Variants in LMNTD2 observed in about 807,000 individuals in gnomAD.
LMNTD2 encodes the protein lamin tail domain containing 2, also known as lamin tail domain-containing protein 2.
In LMNTD2, 83 loss-of-function variants were observed where a neutral mutation model predicts 70.1. The ratio of observed to expected loss-of-function variants is 1.18; its 90% CI spans 0.99 to 1.42. The LOEUF is 1.42. LMNTD2 is among the 40% of genes most tolerant of loss of function. The probability of loss-of-function intolerance (pLI) is 0.00; values close to 1 mark genes in which losing one functional copy is unlikely to be tolerated. For synonymous variants in LMNTD2, 534 were observed against 406.1 expected, an observed-to-expected ratio of 1.31 and a Z score of -3.79; for missense variants, 1,153 against 905.9, an observed-to-expected ratio of 1.27 and a Z score of -3.50.
rs917191546 is a variant in LMNTD2 at position 556,837 on chromosome 11, T to A, written c.974A>T (p.Glu325Val). The A allele has an allele frequency of 1.9e-6, 3 of 1,571,500 alleles. No homozygotes were observed. Among genetic ancestry groups the A allele is most frequent in the Non-Finnish European group, 2.6e-6 (3 of 1,156,590 alleles). ...VQAGSYSRDS[E>V]DLQKTHSPRH... The stretch of plus-strand genomic sequence containing the variant: ...AGGGGAGACCCGCCCCACTGCACCT[T>A]CTGAGTCCCTGCTGTAGCTGCCGGC... The change falls in exon 8 of 14, where the codon GAA (glutamate) becomes GTA (valine). Residue 325 changes from glutamate to valine, a missense_variant and splice_region_variant. By Grantham distance (121) the Glu-to-Val change is moderately radical. Transcript: ENST00000329451.
intron 7 of LMNTD2, 96 bp downstream of exon 7, chr11:557,303 A>G (rs1564816873): frequency 3.5e-6 from 5 of 1,438,406 alleles, no homozygotes; most frequent in African/African-American, 2.8e-5. Context: ...AGACTTATCC[A>G]GGGACACTAA....
chr11:556,099 G>A lies in LMNTD2; in HGVS notation c.1274C>T (p.Thr425Ile). 1 of 1,523,516 alleles carries A rather than the reference G, an allele frequency of 6.6e-7. No homozygotes were observed. The highest frequency in any genetic ancestry group is 8.7e-7 in the Non-Finnish European group (1 of 1,146,162). 94.4% of individuals were successfully genotyped at this position (1,523,516 alleles called of 1,614,324 possible). The change falls in exon 11 of 14, where the codon ACC becomes ATC. Residue 425 changes from threonine (T) to isoleucine (I), a missense_variant. Transcript: ENST00000329451. ...RHHVTVWGEA[T>I]RSAKKPLRAS... ...GCGCAGCGGCTTCTTGGCGCTGCGGGTCGCCTCGCCCCAGACCTGGAGGGG... is the reference window on the plus strand; with the variant it reads ...GCGCAGCGGCTTCTTGGCGCTGCGGATCGCCTCGCCCCAGACCTGGAGGGG...
rs148396909 is a variant in LMNTD2 at position 556,976 on chromosome 11, C to T, written c.835G>A (p.Gly279Arg). 2.4e-4 allele frequency: 386 copies of T among 1,606,954 alleles called. 5 individuals are homozygous for T. In the African/African-American group the frequency reaches 4.5e-3, roughly 19 times the overall value. ...CTGCTGGAGTCGGAGTCAGCGCCCC[C>T]TGAGCTGCTGGTGTTCAGACAGGGC... is the stretch of plus-strand genomic sequence containing the variant. ...SLPCLNTSSSGGADSDSSSCR... is the reference protein window; with the variant it reads ...SLPCLNTSSSRGADSDSSSCR... Residue 279 changes from glycine (G) to arginine (R), a missense_variant, in exon 8 of 14, where the codon GGG becomes AGG. By Grantham distance (125) the Gly-to-Arg change is moderately radical. Coordinates refer to ENST00000329451, the MANE Select transcript of LMNTD2 (RefSeq NM_173573.3).
At position 559,264 on chromosome 11, in the gene LMNTD2, G is replaced by C; in HGVS notation, c.35-285C>G. 4 of 1,488,500 alleles carry C rather than the reference G, an allele frequency of 2.7e-6. No homozygotes were observed. In the South Asian group the frequency reaches 4.9e-5, roughly 18 times the overall value. The allele number at this position is 1,488,500 out of a possible 1,614,324, so 92.2% of individuals were successfully genotyped here. ...CCCTGGCGTGTACCCCTGCCACCCA[G>C]GTGCTGGCCCTTTGCCTGTGATGTG... On this transcript the variant is annotated intron_variant, in intron 1 of 13. Coordinates refer to ENST00000329451, the MANE Select transcript of LMNTD2 (RefSeq NM_173573.3).
At chr11:555,672 C>T in intron 12 of LMNTD2, 62 bp downstream of exon 12, 4 of 1,341,768 alleles carry the variant, frequency 3.0e-6, no homozygotes, top group Non-Finnish European at 2.9e-6. Context: ...ATACGAGGGA[C>T]CGTTTCTGCT....
chr11:558,075 G>T (rs764653357), intron 4 of LMNTD2, 36 bp from the exon 5 acceptor site: 31 of 1,589,246 alleles, frequency 2.0e-5, no homozygotes, highest in Non-Finnish European at 2.5e-5. Context: ...TGGTGGGGGG[G>T]TGTCTTCTGC....
chr11:558,014 A>G lies in LMNTD2; in HGVS notation c.425T>C (p.Leu142Pro). The part of the protein sequence containing the change: ...QWEKEHLEER[L>P]LQTTRTLQEM... Reference sequence around the variant, plus strand: ...CTGGAGCGTGCGGGTGGTCTGCAGCAGCCGCTCCTCCAGGTGCTCCTTCTC... The same window carrying G: ...CTGGAGCGTGCGGGTGGTCTGCAGCGGCCGCTCCTCCAGGTGCTCCTTCTC... The change falls in exon 5 of 14, where the codon CTG becomes CCG. Residue 142 changes from leucine (L) to proline (P), a missense_variant. By Grantham distance (98) the Leu-to-Pro change is moderately conservative. Coordinates refer to ENST00000329451, the MANE Select transcript of LMNTD2 (RefSeq NM_173573.3). 1 of 1,582,422 alleles carries G rather than the reference A, an allele frequency of 6.3e-7. No individual in the cohort carries two copies. Among genetic ancestry groups the G allele is most frequent in the African/African-American group, 1.3e-5 (1 of 74,346 alleles).
chr11:556,462 C>T (rs1422567241), intron 9 of LMNTD2, 30 bp downstream of exon 9: 1 of 1,549,168 alleles, frequency 6.5e-7, no homozygotes, highest in East Asian at 2.4e-5. Context: ...TCCAGTCCGG[C>T]GCCGGAGGCT....
At chr11:555,170 A>AGCGGGGAGGAGGGGAGGGGG in intron 13 of LMNTD2, 59 bp from the exon 14 acceptor site, 1 of 202,118 alleles carries the variant, frequency 4.9e-6, no homozygotes, top group Non-Finnish European at 8.1e-6. Flanking sequence ...AGGGGAGGGG[A>AGCGGGGAGGAGGGGAGGGGG]GGGGAGGAGA....
At position 558,701 on chromosome 11, in the gene LMNTD2, A is replaced by C; in HGVS notation, c.224T>G (p.Ile75Ser). 1.2e-6 allele frequency: 2 copies of C among 1,606,402 alleles called. No homozygotes were observed. Among genetic ancestry groups the C allele is most frequent in the South Asian group, 2.2e-5 (2 of 90,018 alleles). Residue 75 changes from isoleucine to serine, a missense_variant, in exon 3 of 14, where the codon ATC becomes AGC. Transcript: ENST00000329451. The part of the protein sequence containing the change: ...RLLWRQRELE[I>S]QALRWAIQNG... ...CTGGATGGCCCACCGCAAGGCCTGGATCTCCAGTTCTCGCTGTCTCCACAG... is the reference window on the plus strand; with the variant it reads ...CTGGATGGCCCACCGCAAGGCCTGGCTCTCCAGTTCTCGCTGTCTCCACAG...
Position 558,910 on chromosome 11 carries a change from C to T in LMNTD2, c.104G>A (p.Cys35Tyr). 1 of 1,610,850 alleles carries T rather than the reference C, an allele frequency of 6.2e-7. No individual in the cohort carries two copies. The highest frequency in any genetic ancestry group is 1.1e-5 in the South Asian group (1 of 91,060). Reference sequence around the variant, plus strand: ...GGGGTGGGGCGTGGTGTCTGGCAGGCACGTGGGAGTCTCGGGGGCTGCAGG... The same window carrying T: ...GGGGTGGGGCGTGGTGTCTGGCAGGTACGTGGGAGTCTCGGGGGCTGCAGG... ...GAPAAPETPT[C>Y]LPDTTPHPAP... Residue 35 changes from cysteine (C) to tyrosine (Y), a missense_variant, in exon 2 of 14, where the codon TGC becomes TAC. Coordinates refer to ENST00000329451, the MANE Select transcript of LMNTD2 (RefSeq NM_173573.3).
At position 558,717 on chromosome 11, in the gene LMNTD2, G is replaced by T; in HGVS notation, c.208C>A (p.Gln70Lys). 6.2e-7 allele frequency: 1 copy of T among 1,607,420 alleles called. No individual in the cohort carries two copies. Among genetic ancestry groups the T allele is most frequent in the Non-Finnish European group, 8.5e-7 (1 of 1,177,878 alleles). The change falls in exon 3 of 14, where the codon CAG becomes AAG. Residue 70 changes from glutamine to lysine, a missense_variant. Gln to Lys is a moderately conservative substitution (Grantham distance 53). Coordinates refer to ENST00000329451, the MANE Select transcript of LMNTD2 (RefSeq NM_173573.3). Reference protein sequence around the residue: ...DPRTLRLLWRQRELEIQALRW... With the variant: ...DPRTLRLLWRKRELEIQALRW... Reference sequence around the variant, plus strand: ...AAGGCCTGGATCTCCAGTTCTCGCTGTCTCCACAGCAGCCGCAGTGTGCGA... The same window carrying T: ...AAGGCCTGGATCTCCAGTTCTCGCTTTCTCCACAGCAGCCGCAGTGTGCGA...
chr11:560,441 G>T (rs998296434), intron 1 of LMNTD2: 2 of 1,248,258 alleles, frequency 1.6e-6, no homozygotes, highest in Non-Finnish European at 1.0e-6. Flanking sequence ...GCTCCGCAGG[G>T]CTCCACCTCC....
rs1853063516 is a variant in LMNTD2 at position 558,643 on chromosome 11, C to T, written c.282G>A (p.Leu94=). 1 of 1,607,554 alleles carries T rather than the reference C, an allele frequency of 6.2e-7. No individual in the cohort carries two copies. The highest frequency in any genetic ancestry group is 8.5e-7 in the Non-Finnish European group (1 of 1,178,448). ...TGGGCGGAAGCCCCGCCACCTCTTC[C>T]AGGATGTGGCAGAGCCGGGCGTCCT... ...NGEDARLCHI[L]EEVAGLPPKR... is the part of the protein sequence containing the mutation. The change falls in exon 3 of 14, where the codon CTG becomes CTA. Residue 94 remains leucine (L), a synonymous_variant. Coordinates refer to ENST00000329451, the MANE Select transcript of LMNTD2 (RefSeq NM_173573.3).
chr11:556,895 G>C lies in LMNTD2; in HGVS notation c.916C>G (p.His306Asp), dbSNP rs780141389. Residue 306 changes from histidine (H) to aspartate (D), a missense_variant, in exon 8 of 14, where the codon CAC becomes GAC. Transcript: ENST00000329451. ...VQVIGHPPRD[H>D]RASSEQALVQ... Reference sequence around the variant, plus strand: ...AGCGCTTGCTCGGAGGAAGCGCGGTGGTCCCGGGGCGGGTGCCCTATCACC... The same window carrying C: ...AGCGCTTGCTCGGAGGAAGCGCGGTCGTCCCGGGGCGGGTGCCCTATCACC... The C allele has an allele frequency of 3.8e-6, 6 of 1,597,038 alleles. No individual in the cohort carries two copies. Among genetic ancestry groups the C allele is most frequent in the Non-Finnish European group, 5.1e-6 (6 of 1,174,260 alleles).
At chr11:557,149 G>A in intron 7 of LMNTD2, 52 bp from the exon 8 acceptor site, 1 of 1,516,666 alleles carries the variant, frequency 6.6e-7, no homozygotes, top group South Asian at 1.2e-5. Context: ...CCCCAGCCCT[G>A]CCCCCGTCCA....
chr11:558,073 G>C (rs534237074), intron 4 of LMNTD2, 34 bp from the exon 5 acceptor site: 1 of 1,588,692 alleles, frequency 6.3e-7, no homozygotes, highest in Non-Finnish European at 8.6e-7. Context: ...GGTGGTGGGG[G>C]GGTGTCTTCT....
In LMNTD2 at chr11:560,655, C is replaced by T. The variant is rs201586315; in HGVS notation, c.34+28G>A. ...CACACTAGAAGGCTGCTGAGGAAGTCGGCCCAGGAGCGGGGCCAGACACCT... is the reference window on the plus strand; with the variant it reads ...CACACTAGAAGGCTGCTGAGGAAGTTGGCCCAGGAGCGGGGCCAGACACCT... On this transcript the variant is annotated intron_variant, in intron 1 of 13. Coordinates refer to ENST00000329451, the MANE Select transcript of LMNTD2 (RefSeq NM_173573.3). The T allele has an allele frequency of 7.1e-4, 993 of 1,391,366 alleles. 6 individuals are homozygous for T. The African/African-American group carries it at 0.013, about 18-fold the overall frequency. The allele number at this position is 1,391,366 out of a possible 1,614,324, so 86.2% of individuals were successfully genotyped here.
Position 554,971 on chromosome 11 carries a change from C to A in LMNTD2, c.*9G>T. 1 of 1,560,572 alleles carries A rather than the reference C, an allele frequency of 6.4e-7. No homozygotes were observed. Among genetic ancestry groups the A allele is most frequent in the Admixed American group, 1.8e-5 (1 of 54,512 alleles). On this transcript the variant is annotated 3_prime_UTR_variant, in exon 14 of 14. Coordinates refer to ENST00000329451, the MANE Select transcript of LMNTD2 (RefSeq NM_173573.3). ...CCTCCCTCGCGGTCCCGGCCCCACT[C>A]CTCCGCCCCTAGGCGCCGCGGCAGG...
Sources: allele counts gnomAD v4.1 joint callset, GRCh38; gene constraint gnomAD v4.1.1; transcripts MANE v1.5; gene names NCBI Gene and HGNC (gene_info 2026-07-23, HGNC 2026-07-21).